Variants in CFAP70 observed in about 807,000 individuals in gnomAD.
CFAP70 encodes the protein cilia and flagella associated protein 70.
In CFAP70, 81 loss-of-function variants were observed where a neutral mutation model predicts 137.6. The observed-to-expected ratio is 0.59, with a 90% CI of 0.49 to 0.71. The LOEUF (loss-of-function observed/expected upper bound fraction) is 0.71. Among genes scored for constraint, CFAP70 ranks in the 30% least tolerant of loss-of-function variants. CFAP70 has a pLI of 0.00. For synonymous variants in CFAP70, 382 were observed against 423.6 expected, an observed-to-expected ratio of 0.90 and a Z score of 1.20; for missense variants, 976 against 1,226.7, an observed-to-expected ratio of 0.80 and a Z score of 3.05.
intron 19 of CFAP70, among the ~76,000 whole-genome samples, chr10:73,287,373 G>A (rs189720435): frequency 3.9e-5 from 6 of 152,146 alleles, no homozygotes; most frequent in East Asian, 1.9e-4. Flanking sequence ...ATAATATCAC[G>A]GGACCACTGT....
intron 12 of CFAP70, among the ~76,000 whole-genome samples, chr10:73,305,724 T>G (rs2049320912): frequency 6.6e-6 from 1 of 152,172 alleles, no homozygotes; most frequent in Non-Finnish European, 1.5e-5. Context: ...AAAGTTTGAT[T>G]TCCAAAATTC....
At chr10:73,313,522 T>A (rs2050099908) in intron 9 of CFAP70, among the ~76,000 whole-genome samples, 1 of 131,740 alleles carries the variant, frequency 7.6e-6, no homozygotes, top group South Asian at 2.6e-4. Flanking sequence ...CAGCCTGGGC[T>A]ACACAGCAAG....
intron 21 of CFAP70, 61 bp downstream of exon 22, chr10:73,277,179 G>T: frequency 6.5e-7 from 1 of 1,539,260 alleles, no homozygotes; most frequent in South Asian, 1.3e-5. Flanking sequence ...TACCATTATG[G>T]ATAGAATAAA....
At chr10:73,309,096 A>T (rs1165708740) in intron 12 of CFAP70, among the ~76,000 whole-genome samples, 1 of 152,236 alleles carries the variant, frequency 6.6e-6, no homozygotes, top group African/African-American at 2.4e-5. Context: ...AAGCTTTAAA[A>T]GTTGGTTTTT....
In CFAP70 at chr10:73,353,670, CAG is replaced by C. The variant is rs759976687; in HGVS notation, c.134_135del (p.Ser45CysfsTer17). ...CCTTCTGGAGAAACAGTAATTTTTGCAGAGTCTCCCAGAACCACTTGATTGAA... is the reference window on the plus strand; with the variant it reads ...CCTTCTGGAGAAACAGTAATTTTTGCAGTCTCCCAGAACCACTTGATTGAA... On this transcript the variant is annotated frameshift_variant, in exon 3 of 27. Coordinates refer to ENST00000310715, the Ensembl canonical transcript of CFAP70. LOFTEE classifies it high-confidence loss of function. 7.4e-6 allele frequency: 12 copies of C among 1,614,056 alleles called. No individual in the cohort carries two copies. In the African/African-American group the frequency reaches 1.3e-4, roughly 18 times the overall value.
chr10:73,331,939 T>C (rs2052146569), intron 7 of CFAP70, among the ~76,000 whole-genome samples: 1 of 152,214 alleles, frequency 6.6e-6, no homozygotes. Context: ...GAAAATAGTA[T>C]CCAGTTTCAG....
chr10:73,332,260 C>G (rs1032594487), intron 7 of CFAP70, among the ~76,000 whole-genome samples: 1 of 152,170 alleles, frequency 6.6e-6, no homozygotes. Context: ...AGGGTCCCCA[C>G]ACTTACATAA....
At chr10:73,359,535 C>A (rs1564903716), upstream of CFAP70, among the ~76,000 whole-genome samples, 2 of 152,188 alleles carry the variant, frequency 1.3e-5, no homozygotes. Flanking sequence ...TAACGGATTA[C>A]AACCCATTGA....
At chr10:73,336,862 C>T (rs1192144768) in intron 6 of CFAP70, among the ~76,000 whole-genome samples, 2 of 152,004 alleles carry the variant, frequency 1.3e-5, no homozygotes, top group Non-Finnish European at 2.9e-5. Context: ...AAGCATGAGC[C>T]ACCGCGCCCG....
At chr10:73,288,274 A>T (rs1458299132) in intron 19 of CFAP70, among the ~76,000 whole-genome samples, 1 of 152,188 alleles carries the variant, frequency 6.6e-6, no homozygotes, top group Non-Finnish European at 1.5e-5. Context: ...GGAACACAGA[A>T]TACTAAGTTT....
chr10:73,263,328 C>G (rs908876592), intron 25 of CFAP70, among the ~76,000 whole-genome samples: 1 of 152,154 alleles, frequency 6.6e-6, no homozygotes, highest in Non-Finnish European at 1.5e-5. Context: ...AATTCCAGGG[C>G]TCAATTGGCC....
intron 8 of CFAP70, among the ~76,000 whole-genome samples, chr10:73,329,034 T>C (rs2051777739): frequency 6.6e-6 from 1 of 151,808 alleles, no homozygotes; most frequent in Non-Finnish European, 1.5e-5. Flanking sequence ...TAAAGACACA[T>C]GCACACATAT....
chr10:73,312,729 C>T (rs2050017811), intron 9 of CFAP70, 86 bp from the exon 11 acceptor site: 1 of 1,209,768 alleles, frequency 8.3e-7, no homozygotes, highest in Admixed American at 2.5e-5. Flanking sequence ...ACCATTTAGT[C>T]TTCCAAACAA....
chr10:73,316,492 A>ATC (rs1554903363), intron 9 of CFAP70, among the ~76,000 whole-genome samples: 2 of 114,830 alleles, frequency 1.7e-5, no homozygotes, highest in South Asian at 3.6e-4. Context: ...ATATAGATAT[A>ATC]TATATATATA....
At chr10:73,355,208 G>A (rs1030604823) in intron 1 of CFAP70, among the ~76,000 whole-genome samples, 9 of 152,184 alleles carry the variant, frequency 5.9e-5, no homozygotes, top group Admixed American at 5.2e-4. Context: ...CAGCAGGCGA[G>A]CAAGCAAAGC....
intron 15 of CFAP70, 190 bp downstream of exon 16, chr10:73,296,852 G>T (rs2048581432): frequency 4.6e-6 from 2 of 439,076 alleles, no homozygotes; most frequent in Non-Finnish European, 7.6e-6. Flanking sequence ...ATATCTCCTT[G>T]TTTTTTTCCA....
intron 4 of CFAP70, among the ~76,000 whole-genome samples, chr10:73,347,700 G>A (rs1168875541): frequency 6.6e-6 from 1 of 152,136 alleles, no homozygotes; most frequent in Non-Finnish European, 1.5e-5. Flanking sequence ...TATACAGTAG[G>A]TGCTTATAAA....
At chr10:73,291,907 A>G (rs2048208609) in exon 17 of CFAP70, 2 of 1,614,012 alleles carry the variant, frequency 1.2e-6, no homozygotes, top group African/African-American at 2.7e-5. Context: ...GGTTGAGGGA[A>G]AGGGCTTTCT....
At position 73,269,642 on chromosome 10, in the gene CFAP70, C is replaced by T. The variant is rs1476208081; in HGVS notation, c.2999G>A (p.Trp1000Ter). Residue 1000 changes from tryptophan (W) to a stop codon, truncating the protein, a stop_gained, in exon 25 of 27, where the codon TGG (tryptophan) becomes TAG (stop). Transcript: ENST00000310715. LOFTEE classifies it high-confidence loss of function. ...CAGGCAGACCAGAGCCAGATATGCCCATACTTCAGCATTGTAGTTGTTCAA... is the reference window on the plus strand; with the variant it reads ...CAGGCAGACCAGAGCCAGATATGCCTATACTTCAGCATTGTAGTTGTTCAA... 6.2e-7 allele frequency: 1 copy of T among 1,613,544 alleles called. No homozygotes were observed. The highest frequency in any genetic ancestry group is 8.5e-7 in the Non-Finnish European group (1 of 1,179,588).
Sources: allele counts gnomAD v4.1 joint callset (sites outside exome capture counted in the v4.1 genomes callset), GRCh38; gene constraint gnomAD v4.1.1; transcripts MANE v1.5; gene names NCBI Gene and HGNC (gene_info 2026-07-23, HGNC 2026-07-21).